The following PACRG variants were observed in gnomAD, a reference collection of about 807,000 sequenced individuals.
PACRG encodes parkin coregulated gene protein.
A neutral mutation model predicts 29.7 loss-of-function variants in PACRG; 29 were observed. The observed-to-expected ratio is 0.98, with a 90% CI of 0.73 to 1.33. The LOEUF (loss-of-function observed/expected upper bound fraction) is 1.33, where lower values mean the gene tolerates loss of function less well. Among genes scored for constraint, PACRG ranks in the 40% most tolerant of loss-of-function variants. PACRG has a pLI of 0.00. For synonymous variants in PACRG, 116 were observed against 118.7 expected, an observed-to-expected ratio of 0.98 and a Z score of 0.15; for missense variants, 279 against 316.2, an observed-to-expected ratio of 0.88 and a Z score of 0.89.
intron 1 of PACRG, among the ~76,000 whole-genome samples, chr6:162,774,240 A>G (rs530855444): frequency 1.3e-5 from 2 of 152,340 alleles, no homozygotes; most frequent in South Asian, 2.1e-4. Context: ...TGCTGTATGC[A>G]GGAAGCTGTA....
intron 2 of PACRG, among the ~76,000 whole-genome samples, chr6:162,937,927 G>A (rs894355390): frequency 2.2e-4 from 34 of 151,914 alleles, no homozygotes; most frequent in Non-Finnish European, 4.6e-4. Context: ...AGGTTATTGG[G>A]GCAAAGGTGG....
intron 4 of PACRG, among the ~76,000 whole-genome samples, chr6:163,197,290 A>G (rs1780499392): frequency 6.6e-6 from 1 of 152,158 alleles, no homozygotes. Context: ...GCTCCAGTAC[A>G]CATCTATTTT....
chr6:163,123,734 A>G (rs1330909910), intron 4 of PACRG, among the ~76,000 whole-genome samples: 1 of 152,216 alleles, frequency 6.6e-6, no homozygotes, highest in Non-Finnish European at 1.5e-5. Context: ...GATGCTCCAT[A>G]TAAGAGGAAT....
intron 2 of PACRG, among the ~76,000 whole-genome samples, chr6:162,872,342 AATAG>A: frequency 6.6e-6 from 1 of 152,356 alleles, no homozygotes; most frequent in Non-Finnish European, 1.5e-5. Context: ...TCATTCTGTA[AATAG>A]ATTAATACTT....
chr6:162,966,254 G>A (rs73607848), intron 2 of PACRG, among the ~76,000 whole-genome samples: 2,137 of 152,274 alleles, frequency 0.014, 46 homozygotes, highest in African/African-American at 0.05. Flanking sequence ...TAGGTTCAGC[G>A]CCACCTTGTA....
chr6:163,085,544 T>A (rs1813479776), intron 3 of PACRG, among the ~76,000 whole-genome samples: 1 of 152,176 alleles, frequency 6.6e-6, no homozygotes, highest in South Asian at 2.1e-4. Flanking sequence ...CAGTGACACA[T>A]CCAGTCAGGG....
At chr6:162,957,473 T>C (rs1800139425) in intron 2 of PACRG, 2 of 460,350 alleles carry the variant, frequency 4.3e-6, no homozygotes, top group East Asian at 9.0e-5. Flanking sequence ...TTTCCACACC[T>C]TCTTGGGATA....
chr6:162,791,586 G>T (rs1784950692), intron 1 of PACRG, among the ~76,000 whole-genome samples: 1 of 152,152 alleles, frequency 6.6e-6, no homozygotes, highest in African/African-American at 2.4e-5. Context: ...AGAACAGCAA[G>T]TGCTCGGTAA....
rs148664308 is a variant in PACRG at position 162,943,151 on chromosome 6, A to C, written c.292-118999A>C. ...AAACTCTGTGACCGCATTGCTCGAG[A>C]GAAGCTCATGCTGGCTCCCACACAC... On this transcript the variant is annotated intron_variant, in intron 2 of 4. Transcript: ENST00000366888. 6.0e-3 allele frequency among the ~76,000 whole-genome samples: 914 copies of C among 152,300 alleles called. 11 individuals are homozygous for C. The highest frequency in any genetic ancestry group is 0.021 in the African/African-American group (880 of 41,560).
chr6:163,041,193 T>C (rs552279675), intron 2 of PACRG, among the ~76,000 whole-genome samples: 2 of 151,956 alleles, frequency 1.3e-5, no homozygotes, highest in East Asian at 3.9e-4. Flanking sequence ...AAAAATTAGC[T>C]GGGCGTGGTG....
intron 2 of PACRG, among the ~76,000 whole-genome samples, chr6:162,940,062 CT>C (rs1207289784): frequency 1.3e-5 from 2 of 152,232 alleles, no homozygotes; most frequent in East Asian, 3.9e-4. Flanking sequence ...GATTTCTATA[CT>C]TTTTCTGGAT....
chr6:162,989,688 G>A (rs752505845), intron 2 of PACRG, among the ~76,000 whole-genome samples: 25 of 149,914 alleles, frequency 1.7e-4, no homozygotes, highest in African/African-American at 3.2e-4. Flanking sequence ...TTGAAAACCC[G>A]CAGATATGGA....
chr6:162,785,168 CAG>C (rs71008111), intron 1 of PACRG, among the ~76,000 whole-genome samples: 24,207 of 137,744 alleles, frequency 0.18, 2,017 homozygotes, highest in East Asian at 0.31. Context: ...ATGAGGGAGG[CAG>C]AGAGAGAGAG....
At chr6:163,052,820 GGTCAA>G (rs1810158972) in intron 2 of PACRG, among the ~76,000 whole-genome samples, 1 of 152,168 alleles carries the variant, frequency 6.6e-6, no homozygotes, top group East Asian at 1.9e-4. Context: ...TGACAGGCTA[GGTCAA>G]GTTAGAATTT....
intron 4 of PACRG, among the ~76,000 whole-genome samples, chr6:163,140,123 G>A (rs1469220046): frequency 6.6e-6 from 1 of 152,142 alleles, no homozygotes; most frequent in African/African-American, 2.4e-5. Context: ...CTCTATACAC[G>A]TAGACCAAGC....
At chr6:162,868,658 C>G (rs1054737039) in intron 2 of PACRG, among the ~76,000 whole-genome samples, 7 of 152,102 alleles carry the variant, frequency 4.6e-5, no homozygotes, top group African/African-American at 1.7e-4. Flanking sequence ...CGCCAGAGCA[C>G]AGCCTCCTTT....
intron 2 of PACRG, among the ~76,000 whole-genome samples, chr6:162,871,102 G>C (rs780761943): frequency 1.3e-5 from 2 of 152,166 alleles, no homozygotes; most frequent in African/African-American, 4.8e-5. Flanking sequence ...GGTGATGTGG[G>C]GGTGGTAACA....
intron 4 of PACRG, among the ~76,000 whole-genome samples, chr6:163,092,937 TTGGCCCTCTGTGAGCCTGTGA>T (rs1462607551): frequency 6.6e-6 from 1 of 152,232 alleles, no homozygotes; most frequent in Non-Finnish European, 1.5e-5. Context: ...GACCTGTCGC[TTGGCCCTCTGTGAGCCTGTGA>T]GTGGCATGTG....
At chr6:163,276,012 T>C (rs111781179) in intron 4 of PACRG, among the ~76,000 whole-genome samples, 24 of 138,270 alleles carry the variant, frequency 1.7e-4, no homozygotes, top group African/African-American at 4.8e-4. Flanking sequence ...TCCTTCCTTC[T>C]TTCTTTCTTT....
Sources: allele counts gnomAD v4.1 joint callset (sites outside exome capture counted in the v4.1 genomes callset), GRCh38; gene constraint gnomAD v4.1.1; transcripts MANE v1.5; gene names NCBI Gene and HGNC (gene_info 2026-07-23, HGNC 2026-07-21).